EGFR: variants seen among roughly 807,000 people sequenced by gnomAD.
The protein encoded by EGFR is epidermal growth factor receptor.
Under a neutral mutation model 143.0 loss-of-function variants are expected in EGFR, and 58 were observed. The observed-to-expected ratio is 0.41, with a 90% confidence interval of 0.33 to 0.50. The LOEUF (loss-of-function observed/expected upper bound fraction) is 0.50. Among genes scored for constraint, EGFR ranks in the 20% least tolerant of loss-of-function variants. The pLI, the probability that EGFR is intolerant of heterozygous loss-of-function variation, is 0.39. For missense variants in EGFR, 1,307 were observed against 1,579.0 expected, an observed-to-expected ratio of 0.83 and a Z score of 2.92; for synonymous variants, 613 against 594.4, an observed-to-expected ratio of 1.03 and a Z score of -0.45.
chr7:55,202,232 T>C (rs1787881134), intron 26 of EGFR, among the ~76,000 whole-genome samples: 1 of 152,246 alleles, frequency 6.6e-6, no homozygotes, highest in Non-Finnish European at 1.5e-5. Context: ...ACATGTGAAG[T>C]GTCCAGTAGC....
chr7:55,156,976 A>T, intron 10 of EGFR, 144 bp downstream of exon 10: 2 of 1,519,954 alleles, frequency 1.3e-6, no homozygotes, highest in Non-Finnish European at 1.8e-6. Context: ...ATATTTTTCA[A>T]AAGTGCAGTT....
intron 20 of EGFR, among the ~76,000 whole-genome samples, chr7:55,187,142 G>T (rs536876380): frequency 2.0e-5 from 3 of 152,304 alleles, no homozygotes; most frequent in Non-Finnish European, 2.9e-5. Flanking sequence ...GGGGAGGAGG[G>T]GTGGACCCCT....
chr7:55,201,116 C>G (rs1358393046), intron 24 of EGFR, 72 bp from the exon 25 acceptor site: 10 of 1,597,074 alleles, frequency 6.3e-6, no homozygotes, highest in Non-Finnish European at 8.6e-6. Context: ...CAATAGACCC[C>G]TGCTCCTATA....
rs531655947 is a variant in EGFR at position 55,044,789 on chromosome 7, G to C, written c.88+25424G>C. Among the ~76,000 whole-genome samples, 9 of 152,300 alleles carry C rather than the reference G, an allele frequency of 5.9e-5. No individual in the cohort carries two copies. In the East Asian group the frequency reaches 1.7e-3, roughly 29 times the overall value. On this transcript the variant is annotated intron_variant, in intron 1 of 27. Transcript: ENST00000275493. ...TTCAGTCACTTATGCCTATAAGCGGGCATACAACAGGGGCACAATAAATGT... is the reference window on the plus strand; with the variant it reads ...TTCAGTCACTTATGCCTATAAGCGGCCATACAACAGGGGCACAATAAATGT...
chr7:55,028,870 A>C (rs1787089633), intron 1 of EGFR, among the ~76,000 whole-genome samples: 1 of 152,212 alleles, frequency 6.6e-6, no homozygotes. Context: ...GATAAACAAA[A>C]GATGGTTGGC....
chr7:55,025,290 A>G (rs973995404), intron 1 of EGFR, among the ~76,000 whole-genome samples: 1 of 152,208 alleles, frequency 6.6e-6, no homozygotes, highest in Non-Finnish European at 1.5e-5. Context: ...CAGAGGATGA[A>G]GCAGGAGCAA....
At chr7:55,027,991 A>AAAAATATAT (rs1554311534) in intron 1 of EGFR, among the ~76,000 whole-genome samples, 9 of 54,990 alleles carry the variant, frequency 1.6e-4, no homozygotes, top group Admixed American at 1.1e-3. Context: ...AAAAAAAAAA[A>AAAAATATAT]ATATATATAT....
chr7:55,153,287 G>A (rs985880484), intron 6 of EGFR, among the ~76,000 whole-genome samples: 6 of 152,238 alleles, frequency 3.9e-5, no homozygotes, highest in Non-Finnish European at 7.3e-5. Flanking sequence ...CTGCCCCAGC[G>A]GGCTCTGAGC....
At chr7:55,046,242 G>A (rs981453935) in intron 1 of EGFR, among the ~76,000 whole-genome samples, 3 of 152,098 alleles carry the variant, frequency 2.0e-5, no homozygotes, top group Non-Finnish European at 4.4e-5. Context: ...TGGCTCTTGG[G>A]CCTCAGTCTT....
At chr7:55,127,296 C>T (rs1793584783) in intron 1 of EGFR, among the ~76,000 whole-genome samples, 1 of 152,248 alleles carries the variant, frequency 6.6e-6, no homozygotes, top group South Asian at 2.1e-4. Context: ...GTCCAACCTC[C>T]CCCAAACCAA....
chr7:55,204,651 TACACACACC>T (rs1788033432), intron 27 of EGFR, among the ~76,000 whole-genome samples: 1 of 96,648 alleles, frequency 1.0e-5, no homozygotes, highest in Non-Finnish European at 2.1e-5. Context: ...TACATACACA[TACACACACC>T]ACACACACGT....
intron 1 of EGFR, among the ~76,000 whole-genome samples, chr7:55,128,738 G>A (rs1287037561): frequency 3.3e-5 from 5 of 152,164 alleles, no homozygotes; most frequent in Admixed American, 3.3e-4. Flanking sequence ...TTCTATATCT[G>A]TAGTCAATAG....
At chr7:55,157,964 G>A (rs1052205526) in intron 11 of EGFR, among the ~76,000 whole-genome samples, 1 of 152,216 alleles carries the variant, frequency 6.6e-6, no homozygotes, top group Non-Finnish European at 1.5e-5. Flanking sequence ...CTCAGCGCTC[G>A]CCAGTGCTTC....
intron 19 of EGFR, among the ~76,000 whole-genome samples, chr7:55,175,149 A>G (rs1786543148): frequency 6.6e-6 from 1 of 152,230 alleles, no homozygotes; most frequent in African/African-American, 2.4e-5. Context: ...TTTTGGATGA[A>G]GAAATGGAGG....
chr7:55,156,449 TC>T, intron 8 of EGFR, 83 bp from the exon 9 acceptor site: 4 of 1,594,386 alleles, frequency 2.5e-6, no homozygotes, highest in Non-Finnish European at 3.4e-6. Flanking sequence ...CGGAATTCCT[TC>T]CTGCTTCCCT....
At chr7:55,115,767 G>T (rs1562727495) in intron 1 of EGFR, among the ~76,000 whole-genome samples, 1 of 152,326 alleles carries the variant, frequency 6.6e-6, no homozygotes, top group East Asian at 1.9e-4. Context: ...CCGTCATACA[G>T]TAGCAGGCAG....
intron 1 of EGFR, among the ~76,000 whole-genome samples, chr7:55,099,478 A>C (rs1262678782): frequency 6.6e-6 from 1 of 152,232 alleles, no homozygotes; most frequent in African/African-American, 2.4e-5. Flanking sequence ...AGGTGAAATC[A>C]TTGCTTGAAA....
intron 1 of EGFR, among the ~76,000 whole-genome samples, chr7:55,108,272 G>T (rs904563211): frequency 1.3e-5 from 2 of 152,228 alleles, no homozygotes; most frequent in Admixed American, 1.3e-4. Context: ...TCATGACTTA[G>T]AACTTATAAC....
Position 55,070,626 on chromosome 7 carries a change from T to C in EGFR, c.88+51261T>C, listed in dbSNP as rs1357546553. On this transcript the variant is annotated intron_variant, in intron 1 of 27. Coordinates refer to ENST00000275493, the MANE Select transcript of EGFR (RefSeq NM_005228.5). ...AGTCCAACAGTTGCCTGTCACAGAT[T>C]AGACGACTGGGATGTGCGCAGGCGA... is the stretch of plus-strand genomic sequence containing the variant. 2.6e-5 allele frequency among the ~76,000 whole-genome samples: 4 copies of C among 152,246 alleles called. No individual in the cohort carries two copies. In the East Asian group the frequency reaches 7.7e-4, roughly 29 times the overall value.
Sources: gnomAD v4.1 joint callset for allele counts (sites outside exome capture counted in the v4.1 genomes callset) on GRCh38, gnomAD v4.1.1 for gene constraint, MANE v1.5 for transcripts, NCBI Gene and HGNC (gene_info 2026-07-23, HGNC 2026-07-21) for gene names.